The following SGCD variants were observed in gnomAD, a reference collection of about 807,000 sequenced individuals.
SGCD encodes delta-sarcoglycan.
A neutral mutation model predicts 36.6 loss-of-function variants in SGCD; 18 were observed. The ratio of observed to expected loss-of-function variants is 0.49; its 90% CI spans 0.34 to 0.73. The LOEUF (loss-of-function observed/expected upper bound fraction) is 0.73. Ranked by LOEUF, SGCD falls within the 30% of genes least tolerant of loss-of-function variation. The pLI is 0.01. For missense variants in SGCD, 387 were observed against 346.7 expected (o/e 1.12, Z -0.92); for synonymous variants, 133 against 130.6 (o/e 1.02, Z -0.12).
At chr5:155,800,588 T>TC in the SGCD span, among the ~76,000 whole-genome samples, 1 of 5,554 alleles carries the variant, frequency 1.8e-4, no homozygotes, top group Non-Finnish European at 4.0e-4. Flanking sequence ...GCTTATAACA[T>TC]TTTTTTTTCA....
At chr5:156,068,056 C>T (rs545021392) in intron 1 of SGCD, among the ~76,000 whole-genome samples, 10 of 151,916 alleles carry the variant, frequency 6.6e-5, no homozygotes, top group South Asian at 2.1e-4. Context: ...GTTCAACCTT[C>T]CTCTCTACCT....
intron 3 of SGCD, among the ~76,000 whole-genome samples, chr5:156,448,621 T>C (rs760040191): frequency 2.6e-4 from 40 of 151,980 alleles, no homozygotes; most frequent in Non-Finnish European, 4.9e-4. Flanking sequence ...TTACTTACCC[T>C]CTTGGCAGTT....
At chr5:156,039,098 C>T (rs1374546631) in intron 1 of SGCD, among the ~76,000 whole-genome samples, 1 of 152,056 alleles carries the variant, frequency 6.6e-6, no homozygotes, top group African/African-American at 2.4e-5. Flanking sequence ...CATTTGGGTT[C>T]TATCCTAAGT....
chr5:156,285,215 GA>G (rs1448902984), intron 3 of SGCD, among the ~76,000 whole-genome samples: 1 of 152,160 alleles, frequency 6.6e-6, no homozygotes, highest in Admixed American at 6.5e-5. Context: ...TCATGGGTAG[GA>G]AGAATCAATA....
At chr5:156,394,715 A>C (rs1472409418) in intron 3 of SGCD, among the ~76,000 whole-genome samples, 1 of 152,216 alleles carries the variant, frequency 6.6e-6, no homozygotes, top group Non-Finnish European at 1.5e-5. Flanking sequence ...AAAAGAAATT[A>C]AAACGTTTGT....
the SGCD span, among the ~76,000 whole-genome samples, chr5:155,787,163 C>T: frequency 6.6e-6 from 1 of 152,164 alleles, no homozygotes; most frequent in South Asian, 2.1e-4. Flanking sequence ...GTACTACCCT[C>T]AGCACATCTC....
intron 3 of SGCD, among the ~76,000 whole-genome samples, chr5:156,128,976 AT>A (rs947280747): frequency 9.2e-5 from 14 of 152,180 alleles, no homozygotes; most frequent in African/African-American, 3.4e-4. Flanking sequence ...AACTTGTATA[AT>A]TTTATGTATA....
the SGCD span, among the ~76,000 whole-genome samples, chr5:155,734,563 TC>T: frequency 6.6e-6 from 1 of 152,080 alleles, no homozygotes; most frequent in East Asian, 1.9e-4. Context: ...CTTTTTAAAC[TC>T]CCCATACCCT....
chr5:155,930,402 T>C (rs944644730), intron 1 of SGCD, among the ~76,000 whole-genome samples: 2 of 152,198 alleles, frequency 1.3e-5, no homozygotes, highest in Non-Finnish European at 2.9e-5. Flanking sequence ...CATACTGTAT[T>C]GTGCAAGCAA....
chr5:156,329,160 A>G (rs1171896412), intron 1 of SGCD, among the ~76,000 whole-genome samples: 1 of 152,182 alleles, frequency 6.6e-6, no homozygotes, highest in Non-Finnish European at 1.5e-5. Context: ...GGAAGGGGGA[A>G]GGATACAGAG....
At chr5:156,628,978 A>G (rs894936228) in intron 6 of SGCD, among the ~76,000 whole-genome samples, 1 of 152,192 alleles carries the variant, frequency 6.6e-6, no homozygotes, top group African/African-American at 2.4e-5. Context: ...AAATAAGACA[A>G]CCCATGTAAA....
At chr5:156,329,664 A>C (rs1208292052) in intron 2 of SGCD, 85 bp downstream of exon 2, 1 of 1,245,626 alleles carries the variant, frequency 8.0e-7, no homozygotes, top group East Asian at 2.3e-5. Flanking sequence ...AAAAGAGAAC[A>C]AAGTGTTATA....
chr5:156,106,075 A>T (rs1761639195), intron 1 of SGCD, among the ~76,000 whole-genome samples: 1 of 128,730 alleles, frequency 7.8e-6, no homozygotes, highest in Non-Finnish European at 1.6e-5. Context: ...ATGCCACTGC[A>T]CTCCAGCCTG....
At chr5:155,728,811 C>T in the SGCD span, among the ~76,000 whole-genome samples, 1 of 152,200 alleles carries the variant, frequency 6.6e-6, no homozygotes, top group Non-Finnish European at 1.5e-5. Flanking sequence ...CGCCCCCACC[C>T]GGGCGGCGCG....
the SGCD span, among the ~76,000 whole-genome samples, chr5:155,857,776 T>C: frequency 6.6e-6 from 1 of 152,148 alleles, no homozygotes; most frequent in East Asian, 1.9e-4. Flanking sequence ...CCTTTTAGTG[T>C]CTATATATTT....
chr5:156,213,086 A>G (rs1364768288), intron 3 of SGCD, among the ~76,000 whole-genome samples: 1 of 152,022 alleles, frequency 6.6e-6, no homozygotes, highest in Non-Finnish European at 1.5e-5. Context: ...TTTATATCTC[A>G]AGGAACTAGA....
At chr5:156,004,480 A>T (rs1758720473) in intron 1 of SGCD, among the ~76,000 whole-genome samples, 1 of 152,172 alleles carries the variant, frequency 6.6e-6, no homozygotes, top group African/African-American at 2.4e-5. Flanking sequence ...ACAACCCGTA[A>T]GGTTAGTACT....
intron 1 of SGCD, among the ~76,000 whole-genome samples, chr5:156,050,565 A>G (rs1437301067): frequency 6.8e-6 from 1 of 146,652 alleles, no homozygotes; most frequent in Non-Finnish European, 1.5e-5. Context: ...TATGCAAAGC[A>G]CAAACTATAT....
chr5:155,983,359 G>GCA (rs1215065423), intron 1 of SGCD, among the ~76,000 whole-genome samples: 1 of 152,150 alleles, frequency 6.6e-6, no homozygotes, highest in Non-Finnish European at 1.5e-5. Flanking sequence ...GAGTGCAGTG[G>GCA]CATGATCTCG....
Sources: allele counts gnomAD v4.1 joint callset (sites outside exome capture counted in the v4.1 genomes callset), GRCh38; gene constraint gnomAD v4.1.1; transcripts MANE v1.5; gene names NCBI Gene and HGNC (gene_info 2026-07-23, HGNC 2026-07-21).